DENND3: variants seen among roughly 807,000 people sequenced by gnomAD.
DENND3 encodes the protein DENN domain-containing protein 3.
A neutral mutation model predicts 135.1 loss-of-function variants in DENND3; 88 were observed. That is an observed-to-expected ratio of 0.65 (90% CI 0.55 to 0.78). DENND3 has a LOEUF of 0.78. DENND3 is among the 30% of genes least tolerant of loss of function. The pLI is 0.00. For synonymous variants in DENND3, 693 were observed against 712.3 expected, an observed-to-expected ratio of 0.97 and a Z score of 0.43; for missense variants, 1,392 against 1,688.4, an observed-to-expected ratio of 0.82 and a Z score of 3.08.
chr8:141,185,146 T>C lies in DENND3; in HGVS notation c.2952T>C (p.Leu984=), dbSNP rs1696731632. 1 of 1,613,702 alleles carries C rather than the reference T, an allele frequency of 6.2e-7. No homozygotes were observed. The highest frequency in any genetic ancestry group is 1.1e-5 in the South Asian group (1 of 91,062). ...VDVLLYTPGH[L]DPAEKVEDAH... is the part of the protein sequence containing the mutation. The stretch of plus-strand genomic sequence containing the variant: ...TGCTGCTCTCCTCTTTAGGGCATCT[T>C]GACCCAGCCGAAAAAGTTGAAGATG... Residue 984 remains leucine, a synonymous_variant, in exon 18 of 23, where the codon CTT becomes CTC. Coordinates refer to ENST00000519811, the MANE Select transcript of DENND3 (RefSeq NM_001352890.3).
rs745429742 is a variant in DENND3 at position 141,175,589 on chromosome 8, TC to T, written c.2535+132del. ...CAGCCCTTCTGCAGACCGAATGCCT[TC>T]CTGTCCCTCAGTTTGCTCATCTGTA... On this transcript the variant is annotated intron_variant, in intron 14 of 22. Transcript: ENST00000519811. This position sits in a 1 kb window ranked among gnomAD's most constrained non-coding sequence, Gnocchi z 5.4. 1.1e-5 allele frequency: 15 copies of T among 1,402,902 alleles called. No homozygotes were observed. Among genetic ancestry groups the T allele is most frequent in the Middle Eastern group, 1.7e-4 (1 of 5,720 alleles). The allele number at this position is 1,402,902 out of a possible 1,614,324, so 86.9% of individuals were successfully genotyped here. A position where few individuals can be genotyped will look rare whatever the true frequency, so the allele number is the denominator to read the frequency against.
intron 16 of DENND3, among the ~76,000 whole-genome samples, chr8:141,179,122 T>C (rs1166526497): frequency 6.6e-6 from 1 of 152,254 alleles, no homozygotes; most frequent in Admixed American, 6.5e-5. Flanking sequence ...GTGGCATCTG[T>C]CACCAACTGC....
At position 141,137,572 on chromosome 8, in the gene DENND3, T is replaced by C. The variant is rs1298527446; in HGVS notation, c.386-450T>C. Among the ~76,000 whole-genome samples the C allele has an allele frequency of 6.6e-6, 1 of 152,196 alleles. No individual in the cohort carries two copies. The highest frequency in any genetic ancestry group is 6.5e-5 in the Admixed American group (1 of 15,280). ...GGGGCAAGAAGCACAGGCCTGCACT[T>C]AGTCCCCAGGCTCGCCAGTTCCAGT... On this transcript the variant is annotated intron_variant, in intron 2 of 22. Transcript: ENST00000519811. The surrounding 1 kb of genome is among the most constrained non-coding windows in gnomAD (Gnocchi z 4.1).
rs576458933 is a variant in DENND3 at position 141,138,262 on chromosome 8, A to C, written c.501+125A>C. Reference sequence around the variant, plus strand: ...TGTGCAGTTCCGTAACATTAAGTACATTCACAGCATTGTGCAACCACCACC... The same window carrying C: ...TGTGCAGTTCCGTAACATTAAGTACCTTCACAGCATTGTGCAACCACCACC... On this transcript the variant is annotated intron_variant, in intron 3 of 22. Coordinates refer to ENST00000519811, the MANE Select transcript of DENND3 (RefSeq NM_001352890.3). This position sits in a 1 kb window ranked among gnomAD's most constrained non-coding sequence, Gnocchi z 4.8. 3 of 1,002,804 alleles carry C rather than the reference A, an allele frequency of 3.0e-6. No homozygotes were observed. Among genetic ancestry groups the C allele is most frequent in the Non-Finnish European group, 4.4e-6 (3 of 677,260 alleles). The allele number at this position is 1,002,804 out of a possible 1,614,324, so 62.1% of individuals were successfully genotyped here. A position where few individuals can be genotyped will look rare whatever the true frequency, so the allele number is the denominator to read the frequency against.
At position 141,182,191 on chromosome 8, in the gene DENND3, T is replaced by C; in HGVS notation, c.2944+1337T>C. On this transcript the variant is annotated intron_variant, in intron 17 of 22. Transcript: ENST00000519811. The surrounding 1 kb of genome is among the most constrained non-coding windows in gnomAD (Gnocchi z 5.9). ...GGATGCAGATGTAGGTGTCACCCCC[T>C]CTCACAGGCCATGTCCGCGGCTTCA... is the stretch of plus-strand genomic sequence containing the variant. 1 of 473,182 alleles carries C rather than the reference T, an allele frequency of 2.1e-6. No homozygotes were observed. Among genetic ancestry groups the C allele is most frequent in the Non-Finnish European group, 2.8e-6 (1 of 361,948 alleles). The allele number at this position is 473,182 out of a possible 1,614,324, so 29.3% of individuals were successfully genotyped here. A position where few individuals can be genotyped will look rare whatever the true frequency, so the allele number is the denominator to read the frequency against.
intron 19 of DENND3, among the ~76,000 whole-genome samples, chr8:141,189,794 A>AG (rs1265032573): frequency 1.3e-5 from 2 of 152,176 alleles, no homozygotes; most frequent in African/African-American, 4.8e-5. Context: ...CAGGAGGTTC[A>AG]GGGGTGGCGC....
rs529006925 is a variant in DENND3 at position 141,149,822 on chromosome 8, C to T, written c.736-1012C>T. On this transcript the variant is annotated intron_variant, in intron 5 of 22. Coordinates refer to ENST00000519811, the MANE Select transcript of DENND3 (RefSeq NM_001352890.3). ...CAAAACGATGTTATTCAAGGACCTG[C>T]GTCTTGTTAGGAAGCAACGCTGGTG... is the stretch of plus-strand genomic sequence containing the variant. Among the ~76,000 whole-genome samples, 36 of 152,360 alleles carry T rather than the reference C, an allele frequency of 2.4e-4. No homozygotes were observed. In the South Asian group the frequency reaches 2.7e-3, roughly 11 times the overall value.
At chr8:141,188,374 G>A (rs776641884) in intron 18 of DENND3, 1 of 152,206 alleles carries the variant, frequency 6.6e-6, no homozygotes. Flanking sequence ...ACATACAGTC[G>A]GTCTCATCAT....
At chr8:141,151,919 T>C (rs1217891326) in intron 7 of DENND3, 82 bp downstream of exon 7, 1 of 1,530,596 alleles carries the variant, frequency 6.5e-7, no homozygotes, top group Admixed American at 1.7e-5. Context: ...CGTCTGAAAG[T>C]GCTCCGCGGT....
intron 16 of DENND3, among the ~76,000 whole-genome samples, chr8:141,180,199 G>A (rs575899634): frequency 2.0e-5 from 3 of 152,334 alleles, no homozygotes; most frequent in African/African-American, 7.2e-5. Context: ...TGTGTGTGAG[G>A]TGCTACTGGC....
intron 5 of DENND3, among the ~76,000 whole-genome samples, chr8:141,145,843 ATATATATG>A (rs1399019457): frequency 9.7e-5 from 3 of 30,788 alleles, no homozygotes; most frequent in East Asian, 3.8e-3. Context: ...ATATATATAT[ATATATATG>A]TATTTTTTTT....
chr8:141,135,886 C>T (rs1007154985), intron 1 of DENND3, among the ~76,000 whole-genome samples: 1 of 152,256 alleles, frequency 6.6e-6, no homozygotes, highest in African/African-American at 2.4e-5. Flanking sequence ...CATGTCTCAT[C>T]TGTACCCACC....
chr8:141,156,885 G>A (rs889891795), intron 8 of DENND3, among the ~76,000 whole-genome samples: 1 of 147,204 alleles, frequency 6.8e-6, no homozygotes, highest in Non-Finnish European at 1.5e-5. Flanking sequence ...TCTGCCTTCT[G>A]GGTTCAAGCG....
chr8:141,163,483 T>C, intron 10 of DENND3, 54 bp downstream of exon 10: 1 of 1,207,274 alleles, frequency 8.3e-7, no homozygotes, highest in Non-Finnish European at 1.2e-6. Context: ...ATTATCCTTT[T>C]CTGTATTTAA....
At chr8:141,136,486 A>C in intron 1 of DENND3, 23 bp from the exon 2 acceptor site, 1 of 1,528,702 alleles carries the variant, frequency 6.5e-7, no homozygotes, top group Non-Finnish European at 8.8e-7. Flanking sequence ...TGTGGCAGTA[A>C]CTCTTATTTT....
rs1817443100 is a variant in DENND3 at position 141,141,433 on chromosome 8, T to G, written c.623+109T>G. 9.5e-6 allele frequency: 11 copies of G among 1,157,752 alleles called. No individual in the cohort carries two copies. The highest frequency in any genetic ancestry group is 3.7e-5 in the East Asian group (1 of 27,312). The allele number at this position is 1,157,752 out of a possible 1,614,324, so 71.7% of individuals were successfully genotyped here. The stretch of plus-strand genomic sequence containing the variant: ...AGGTGGTGGGGGGGCAGCTCTCTGT[T>G]CCTCTCCTGGTGAGCCGGGGGACCG... On this transcript the variant is annotated intron_variant, in intron 4 of 22. Coordinates refer to ENST00000519811, the MANE Select transcript of DENND3 (RefSeq NM_001352890.3). This position sits in a 1 kb window ranked among gnomAD's most constrained non-coding sequence, Gnocchi z 5.3.
At chr8:141,162,110 G>A (rs1820210576) in intron 9 of DENND3, among the ~76,000 whole-genome samples, 1 of 152,066 alleles carries the variant, frequency 6.6e-6, no homozygotes, top group African/African-American at 2.4e-5. Flanking sequence ...CAGCCTGAAT[G>A]GCCTATTCTT....
At chr8:141,129,386 G>A (rs1421158356) in intron 1 of DENND3, among the ~76,000 whole-genome samples, 1 of 152,192 alleles carries the variant, frequency 6.6e-6, no homozygotes, top group Non-Finnish European at 1.5e-5. Context: ...TTGCGATGAA[G>A]CCTATAGCTA....
chr8:141,131,010 T>C (rs1816015504), intron 1 of DENND3, among the ~76,000 whole-genome samples: 1 of 152,274 alleles, frequency 6.6e-6, no homozygotes, highest in East Asian at 1.9e-4. Context: ...TTACCTTGAC[T>C]TTTACAAATC....
Sources: allele counts gnomAD v4.1 joint callset (sites outside exome capture counted in the v4.1 genomes callset), GRCh38; gene constraint gnomAD v4.1.1; non-coding constraint Gnocchi (gnomAD v3.1); transcripts MANE v1.5; gene names NCBI Gene and HGNC (gene_info 2026-07-23, HGNC 2026-07-21).